CRADD: variants seen among roughly 807,000 people sequenced by gnomAD.
CRADD encodes death domain-containing protein CRADD.
Under a neutral mutation model 15.5 loss-of-function variants are expected in CRADD, and 9 were observed. The ratio of observed to expected loss-of-function variants is 0.58; its 90% CI spans 0.35 to 1.01. The LOEUF is 1.01. Among genes scored for constraint, CRADD ranks in the 50% least tolerant of loss-of-function variants. The pLI is 0.02. For synonymous variants in CRADD, 118 were observed against 107.6 expected (o/e 1.10, Z -0.60); for missense variants, 227 against 250.3 (o/e 0.91, Z 0.63).
At chr12:93,889,339 T>C (rs1395074231) in intron 2 of CRADD, among the ~76,000 whole-genome samples, 2 of 152,134 alleles carry the variant, frequency 1.3e-5, no homozygotes. Context: ...TGCCAAGCAG[T>C]GACAGAGCCC....
At chr12:93,859,175 T>A (rs940272990) in intron 2 of CRADD, 2 of 391,352 alleles carry the variant, frequency 5.1e-6, no homozygotes, top group African/African-American at 4.2e-5. Flanking sequence ...ACACACCCAG[T>A]TACCTGTTTG....
intron 2 of CRADD, chr12:93,837,626 G>A (rs1957989553): frequency 6.6e-6 from 1 of 152,130 alleles, no homozygotes; most frequent in African/African-American, 2.4e-5. Flanking sequence ...AAAGGCCCAC[G>A]AGGGTTGTTT....
intron 2 of CRADD, among the ~76,000 whole-genome samples, chr12:93,893,063 A>T (rs1412964813): frequency 6.6e-6 from 1 of 152,060 alleles, no homozygotes; most frequent in Non-Finnish European, 1.5e-5. Context: ...GTCCTCCAGG[A>T]CTCGGCTCTT....
intron 2 of CRADD, among the ~76,000 whole-genome samples, chr12:93,834,976 T>G (rs1175599341): frequency 6.6e-6 from 1 of 152,228 alleles, no homozygotes; most frequent in Non-Finnish European, 1.5e-5. Context: ...ACAGACAGAC[T>G]TTTAATGGTT....
At chr12:93,745,352 T>A (rs939768246) in intron 2 of CRADD, among the ~76,000 whole-genome samples, 3 of 152,252 alleles carry the variant, frequency 2.0e-5, no homozygotes, top group African/African-American at 7.2e-5. Context: ...GATCAACAGA[T>A]GCAAGGAACA....
intron 2 of CRADD, among the ~76,000 whole-genome samples, chr12:93,839,920 C>T (rs1958027766): frequency 6.6e-6 from 1 of 152,142 alleles, no homozygotes; most frequent in African/African-American, 2.4e-5. Context: ...AAAAATTTAC[C>T]TTTGGGAGAT....
chr12:93,705,440 C>T (rs549720430), intron 2 of CRADD, among the ~76,000 whole-genome samples: 6 of 152,330 alleles, frequency 3.9e-5, no homozygotes, highest in Middle Eastern at 6.8e-3. Flanking sequence ...GCTCTAGGGA[C>T]AGTCTCCTGT....
At chr12:93,774,305 A>T (rs191845052) in intron 2 of CRADD, among the ~76,000 whole-genome samples, 1 of 152,326 alleles carries the variant, frequency 6.6e-6, no homozygotes, top group East Asian at 1.9e-4. Context: ...TTCTTCATAG[A>T]TTCCTAGAGT....
At chr12:93,745,424 T>G (rs895469896) in intron 2 of CRADD, among the ~76,000 whole-genome samples, 1 of 152,188 alleles carries the variant, frequency 6.6e-6, no homozygotes. Context: ...CACTTCCTTT[T>G]AGTAACTCCA....
intron 2 of CRADD, among the ~76,000 whole-genome samples, chr12:93,787,386 C>T (rs1957291893): frequency 1.4e-5 from 2 of 144,592 alleles, no homozygotes; most frequent in African/African-American, 5.2e-5. Flanking sequence ...GCATTCTGCA[C>T]ATTTTTTGCC....
intron 2 of CRADD, among the ~76,000 whole-genome samples, chr12:93,846,958 C>A (rs997449394): frequency 1.1e-4 from 16 of 152,112 alleles, no homozygotes; most frequent in Non-Finnish European, 2.4e-4. Context: ...AAAAAATTAG[C>A]CAGGCATGGT....
chr12:93,762,879 C>T (rs1249735438), intron 2 of CRADD, among the ~76,000 whole-genome samples: 1 of 152,044 alleles, frequency 6.6e-6, no homozygotes, highest in East Asian at 1.9e-4. Context: ...GTCAACTTCC[C>T]TGTGGGGAGG....
intron 2 of CRADD, among the ~76,000 whole-genome samples, chr12:93,831,776 A>T (rs540647098): frequency 6.6e-6 from 1 of 152,304 alleles, no homozygotes; most frequent in African/African-American, 2.4e-5. Context: ...CTTTGGGTAG[A>T]CCCTGTGATC....
chr12:93,775,577 G>GT (rs1328206651), intron 2 of CRADD, among the ~76,000 whole-genome samples: 1 of 45,012 alleles, frequency 2.2e-5, no homozygotes, highest in East Asian at 0.012. Flanking sequence ...TTTTGGAGAA[G>GT]GGGGATCGAA....
At chr12:93,696,054 A>G (rs555698756) in intron 2 of CRADD, among the ~76,000 whole-genome samples, 3 of 152,388 alleles carry the variant, frequency 2.0e-5, no homozygotes, top group African/African-American at 7.2e-5. Flanking sequence ...CATACCTATT[A>G]GAATTCTAGG....
chr12:93,742,239 TCTG>T (rs1310359676), intron 2 of CRADD, among the ~76,000 whole-genome samples: 13 of 152,180 alleles, frequency 8.5e-5, no homozygotes, highest in African/African-American at 2.9e-4. Flanking sequence ...CTTTGAGGCA[TCTG>T]CTGTTTTGTT....
In CRADD at chr12:93,683,214, C is replaced by CG. The variant is rs1158599028; in HGVS notation, c.298+4143dup. 4.6e-5 allele frequency among the ~76,000 whole-genome samples: 7 copies of CG among 152,250 alleles called. No individual in the cohort carries two copies. The East Asian group carries it at 1.4e-3, about 29-fold the overall frequency. ...AGCCTCCCCATCTGGTGGGACTCAG[C>CG]GTAAATCACGGTGGGAGTGACTCCT... On this transcript the variant is annotated intron_variant, in intron 2 of 2. Coordinates refer to ENST00000332896, the MANE Select transcript of CRADD (RefSeq NM_003805.5).
chr12:93,882,399 C>G (rs1447831585), intron 2 of CRADD, among the ~76,000 whole-genome samples: 2 of 133,932 alleles, frequency 1.5e-5, no homozygotes, highest in Admixed American at 1.7e-4. Flanking sequence ...CCAGCCAGGG[C>G]GACAGAGCGA....
At chr12:93,782,451 C>A (rs1366719153) in intron 2 of CRADD, among the ~76,000 whole-genome samples, 5 of 151,872 alleles carry the variant, frequency 3.3e-5, no homozygotes, top group Non-Finnish European at 7.4e-5. Context: ...ATGTAACAAA[C>A]CTGCACATTG....
Sources: gnomAD v4.1 joint callset for allele counts (sites outside exome capture counted in the v4.1 genomes callset) on GRCh38, gnomAD v4.1.1 for gene constraint, MANE v1.5 for transcripts, NCBI Gene and HGNC (gene_info 2026-07-23, HGNC 2026-07-21) for gene names.